OGT: variants seen among roughly 807,000 people sequenced by gnomAD.
OGT encodes the protein UDP-N-acetylglucosamine--peptide N-acetylglucosaminyltransferase 110 kDa subunit.
In OGT, 3 loss-of-function variants were observed where a neutral mutation model predicts 75.8. The ratio of observed to expected loss-of-function variants is 0.04; its 90% CI spans 0.02 to 0.10. The LOEUF is 0.10. Among genes scored for constraint, OGT ranks in the 10% least tolerant of loss-of-function variants. OGT has a pLI of 1.00. For missense variants in OGT, 260 were observed against 824.4 expected (o/e 0.32, Z 8.38); for synonymous variants, 257 against 289.7 (o/e 0.89, Z 1.15).
chrX:71,555,462 T>A, intron 7 of OGT, 77 bp downstream of exon 7: 1 of 927,259 alleles, frequency 1.1e-6, no homozygotes, highest in Non-Finnish European at 1.5e-6. Context: ...TGGCTCACAC[T>A]TGTAATGCCA....
At chrX:71,568,296 A>C in intron 21 of OGT, among the ~76,000 whole-genome samples, 180 bp downstream of exon 21, 1 of 112,780 alleles carries the variant, frequency 8.9e-6, no homozygotes, top group East Asian at 2.7e-4. Flanking sequence ...ACTATGTAAA[A>C]AGTAAATGGC....
In OGT at chrX:71,555,320, G is replaced by A. The variant is rs2040335464; in HGVS notation, c.859G>A (p.Glu287Lys). Residue 287 changes from glutamate to lysine, a missense_variant, in exon 7 of 22, where the codon GAA becomes AAA. Glu to Lys is a moderately conservative substitution (Grantham distance 56). Transcript: ENST00000373719. Reference sequence around the variant, plus strand: ...AATAGACACCTACAGGCGGGCTATCGAACTACAACCACATTTCCCTGATGC... The same window carrying A: ...AATAGACACCTACAGGCGGGCTATCAAACTACAACCACATTTCCCTGATGC... ...LAIDTYRRAI[E>K]LQPHFPDAYC... 8.3e-7 allele frequency: 1 copy of A among 1,209,067 alleles called. No individual in the cohort carries two copies. Among genetic ancestry groups the A allele is most frequent in the Non-Finnish European group, 1.1e-6 (1 of 895,005 alleles).
At chrX:71,549,010 A>G (rs1480833817) in intron 5 of OGT, among the ~76,000 whole-genome samples, 1 of 111,003 alleles carries the variant, frequency 9.0e-6, no homozygotes, top group African/African-American at 3.3e-5. Flanking sequence ...CATGTTTAAA[A>G]TGAGACTAGC....
intron 18 of OGT, 83 bp downstream of exon 18, chrX:71,563,582 A>G: frequency 1.3e-6 from 1 of 748,183 alleles, no homozygotes; most frequent in Non-Finnish European, 1.9e-6. Flanking sequence ...CTAGGAGGCA[A>G]GTATCATTAT....
At position 71,567,596 on chromosome X, in the gene OGT, C is replaced by T; in HGVS notation, c.2686C>T (p.Pro896Ser). 1 of 1,210,371 alleles carries T rather than the reference C, an allele frequency of 8.3e-7. No individual in the cohort carries two copies. Among genetic ancestry groups the T allele is most frequent in the South Asian group, 1.8e-5 (1 of 56,746 alleles). The part of the protein sequence containing the change: ...IQQYAQNMGL[P>S]QNRIIFSPVA... ...ACAGTATGCACAAAACATGGGCCTG[C>T]CCCAGAACCGTATCATTTTTTCACC... Residue 896 changes from proline to serine, a missense_variant, in exon 20 of 22, where the codon CCC (proline) becomes TCC (serine). Physicochemically the swap from Pro to Ser is moderately conservative, Grantham distance 74. This residue lies in a region of OGT where 79 missense variants were observed against 141.0 expected (regional missense o/e 0.56). Coordinates refer to ENST00000373719, the MANE Select transcript of OGT (RefSeq NM_181672.3).
chrX:71,567,989 A>G lies in OGT; in HGVS notation c.2843-4A>G, dbSNP rs757243429. 4 of 1,204,417 alleles carry G rather than the reference A, an allele frequency of 3.3e-6. No individual in the cohort carries two copies. Among genetic ancestry groups the G allele is most frequent in the Admixed American group, 4.5e-5 (2 of 44,214 alleles). ...ATGTGCAGTTGTTATCTTTTGTATTACAGGAGAGACTCTTGCTTCTCGAGT... is the reference window on the plus strand; with the variant it reads ...ATGTGCAGTTGTTATCTTTTGTATTGCAGGAGAGACTCTTGCTTCTCGAGT... On this transcript the variant is annotated splice_polypyrimidine_tract_variant and splice_region_variant and intron_variant, in intron 20 of 21. Coordinates refer to ENST00000373719, the MANE Select transcript of OGT (RefSeq NM_181672.3).
rs753470244 is a variant in OGT, at chrX:71,563,264, A to G, written c.2265+18A>G. On this transcript the variant is annotated intron_variant, in intron 17 of 21. Transcript: ENST00000373719. ...TTGTCAAGGTCAGAACCTAGTCAGT[A>G]TTGTCATTGAAATAAAGTTAACTGC... 38 of 1,196,341 alleles carry G rather than the reference A, an allele frequency of 3.2e-5. No individual in the cohort carries two copies. The highest frequency in any genetic ancestry group is 4.4e-5 in the Admixed American group (2 of 45,335).
chrX:71,553,431 A>G (rs776669791), intron 5 of OGT, among the ~76,000 whole-genome samples: 2 of 110,847 alleles, frequency 1.8e-5, no homozygotes, highest in Non-Finnish European at 3.8e-5. Context: ...TAAACATACA[A>G]TTACTCAGTG....
At chrX:71,556,802 A>G in intron 9 of OGT, 22 bp downstream of exon 9, 1 of 1,070,441 alleles carries the variant, frequency 9.3e-7, no homozygotes, top group Non-Finnish European at 1.3e-6. Context: ...TAACAGCCTT[A>G]TTTTTAAAAT....
Position 71,533,222 on chromosome X carries a change from C to T in OGT, c.-78C>T. On this transcript the variant is annotated 5_prime_UTR_variant, in exon 1 of 22. Transcript: ENST00000373719. ...TACGGCTGCTGCCCTTGTACTACTA[C>T]CTCCAAATACGTTCTTGCTGGTAGT... is the stretch of plus-strand genomic sequence containing the variant. The T allele has an allele frequency of 9.9e-7, 1 of 1,010,684 alleles. No individual in the cohort carries two copies. Among genetic ancestry groups the T allele is most frequent in the Non-Finnish European group, 1.4e-6 (1 of 729,399 alleles). The allele number at this position is 1,010,684 out of a possible 1,213,427, so 83.3% of individuals were successfully genotyped here.
In OGT at chrX:71,575,748, T is replaced by C. The variant is rs1215245865; in HGVS notation, c.*1954T>C. ...TAATATGTCTTGGAAGACTTAATTC[T>C]GATTAGAGATATAGATATTACTGGA... is the stretch of plus-strand genomic sequence containing the variant. On this transcript the variant is annotated 3_prime_UTR_variant, in exon 22 of 22. Transcript: ENST00000373719. The C allele has an allele frequency of 8.9e-6, 1 of 112,599 alleles. No homozygotes were observed. Among genetic ancestry groups the C allele is most frequent in the Non-Finnish European group, 1.9e-5 (1 of 53,311 alleles). 9.3% of individuals were successfully genotyped at this position (112,599 alleles called of 1,213,427 possible).
chrX:71,537,766 T>A, intron 2 of OGT, 63 bp from the exon 3 acceptor site: 1 of 1,171,025 alleles, frequency 8.5e-7, no homozygotes, highest in Non-Finnish European at 1.2e-6. Context: ...GAGTTGCATA[T>A]GGGCCATACC....
At chrX:71,567,845 A>C (rs898518103) in intron 20 of OGT, 93 bp downstream of exon 20, 28 of 1,085,098 alleles carry the variant, frequency 2.6e-5, no homozygotes, top group Middle Eastern at 5.2e-4. Context: ...ATGTACTAGG[A>C]GCAACATTAA....
At chrX:71,548,456 G>A (rs1462967289) in intron 5 of OGT, among the ~76,000 whole-genome samples, 2 of 111,045 alleles carry the variant, frequency 1.8e-5, no homozygotes, top group Non-Finnish European at 3.8e-5. Context: ...AAATAAAAAG[G>A]TACCATAAAG....
At chrX:71,546,818 C>A in intron 4 of OGT, 1 of 754,356 alleles carries the variant, frequency 1.3e-6, no homozygotes, top group Non-Finnish European at 1.6e-6. Context: ...AGCGTTAATG[C>A]GCATTGCGTG....
intron 19 of OGT, among the ~76,000 whole-genome samples, chrX:71,566,060 T>C: frequency 8.9e-6 from 1 of 112,403 alleles, no homozygotes; most frequent in Non-Finnish European, 1.9e-5. Context: ...TAAAATAAAA[T>C]GGCATGTTTT....
At chrX:71,562,814 T>G in intron 15 of OGT, 33 bp from the exon 16 acceptor site, 1 of 1,141,711 alleles carries the variant, frequency 8.8e-7, no homozygotes, top group Non-Finnish European at 1.2e-6. Flanking sequence ...CTGATAAAAG[T>G]TCTTAATCAG....
At chrX:71,571,351 G>A (rs908244137) in intron 21 of OGT, among the ~76,000 whole-genome samples, 5 of 111,892 alleles carry the variant, frequency 4.5e-5, no homozygotes, top group African/African-American at 1.6e-4. Context: ...GCAGACATCA[G>A]TACACTTCTC....
intron 5 of OGT, 32 bp downstream of exon 5, chrX:71,548,055 G>T (rs1354679530): frequency 2.4e-5 from 29 of 1,184,808 alleles, no homozygotes; most frequent in Non-Finnish European, 3.1e-5. Flanking sequence ...TGGTATTTTT[G>T]AAGTGCTTAC....
Sources: allele counts gnomAD v4.1 joint callset (sites outside exome capture counted in the v4.1 genomes callset), GRCh38; gene constraint gnomAD v4.1.1; regional missense constraint gnomAD v4.1.1; transcripts MANE v1.5; gene names NCBI Gene and HGNC (gene_info 2026-07-23, HGNC 2026-07-21).